Variants in RARRES1 observed in about 807,000 individuals in gnomAD.
RARRES1 encodes the protein retinoic acid receptor responder 1, also known as retinoic acid receptor responder protein 1.
A neutral mutation model predicts 30.6 loss-of-function variants in RARRES1; 34 were observed. The observed-to-expected ratio is 1.11, with a 90% CI of 0.84 to 1.48. The LOEUF is 1.48. Among genes scored for constraint, RARRES1 ranks in the 40% most tolerant of loss-of-function variants. The pLI is 0.00. For synonymous variants in RARRES1, 153 were observed against 155.5 expected (o/e 0.98, Z 0.12); for missense variants, 373 against 386.5 (o/e 0.97, Z 0.29).
chr3:158,717,298 ACT>A (rs973149740), intron 1 of RARRES1, among the ~76,000 whole-genome samples: 12 of 152,086 alleles, frequency 7.9e-5, no homozygotes, highest in African/African-American at 2.9e-4. Flanking sequence ...AGCAGCAGCC[ACT>A]CTCCGGGCAG....
At chr3:158,727,610 G>C (rs1339409882) in intron 1 of RARRES1, among the ~76,000 whole-genome samples, 1 of 152,196 alleles carries the variant, frequency 6.6e-6, no homozygotes, top group South Asian at 2.1e-4. Flanking sequence ...AGTCAGGAGC[G>C]GGGCAAACAT....
At chr3:158,729,691 A>T (rs576363514) in intron 1 of RARRES1, among the ~76,000 whole-genome samples, 1 of 152,014 alleles carries the variant, frequency 6.6e-6, no homozygotes, top group Non-Finnish European at 1.5e-5. Context: ...TGACCTTGTA[A>T]TCTGCCCACC....
chr3:158,732,204 T>C lies in RARRES1; in HGVS notation c.212A>G (p.Asn71Ser). 1 of 1,420,962 alleles carries C rather than the reference T, an allele frequency of 7.0e-7. No homozygotes were observed. The highest frequency in any genetic ancestry group is 9.1e-7 in the Non-Finnish European group (1 of 1,093,686). The allele number at this position is 1,420,962 out of a possible 1,614,324, so 88.0% of individuals were successfully genotyped here. A position where few individuals can be genotyped will look rare whatever the true frequency, so the allele number is the denominator to read the frequency against. ...QAARAALHFF[N>S]FRSGSPSALR... ...CGCGCTGGGCGAGCCGGACCGGAAG[T>C]TGAAGAAGTGAAGCGCCGCGCGCGC... Residue 71 changes from asparagine (N) to serine (S), a missense_variant, in exon 1 of 6, where the codon AAC (asparagine) becomes AGC (serine). Asn to Ser is a conservative substitution (Grantham distance 46). Transcript: ENST00000237696.
rs1334055239 is a variant in RARRES1, at chr3:158,732,128, C to A, written c.276+12G>T. ...GGCAGGCGCGTGCCCCGGCGCGTCG[C>A]TCCGCACTCACCCACGCGCGGCCCT... On this transcript the variant is annotated intron_variant, in intron 1 of 5. Coordinates refer to ENST00000237696, the MANE Select transcript of RARRES1 (RefSeq NM_206963.2). 2 of 1,344,912 alleles carry A rather than the reference C, an allele frequency of 1.5e-6. No individual in the cohort carries two copies. Among genetic ancestry groups the A allele is most frequent in the Non-Finnish European group, 1.9e-6 (2 of 1,055,936 alleles). The allele number at this position is 1,344,912 out of a possible 1,614,324, so 83.3% of individuals were successfully genotyped here.
In RARRES1 at chr3:158,704,941, A is replaced by T; in HGVS notation, c.536-14T>A. 4.4e-6 allele frequency: 7 copies of T among 1,601,132 alleles called. No homozygotes were observed. Among genetic ancestry groups the T allele is most frequent in the Non-Finnish European group, 5.9e-6 (7 of 1,176,654 alleles). On this transcript the variant is annotated splice_polypyrimidine_tract_variant and intron_variant, in intron 3 of 5. Coordinates refer to ENST00000237696, the MANE Select transcript of RARRES1 (RefSeq NM_206963.2). The stretch of plus-strand genomic sequence containing the variant: ...GTCCATGATTATCTGAGAGAGACAA[A>T]AAAAGCACATTTGTATTAATGCATT...
rs550724697 is a variant in RARRES1 at position 158,721,620 on chromosome 3, A to G, written c.277-7761T>C. Among the ~76,000 whole-genome samples the G allele has an allele frequency of 7.9e-5, 12 of 152,328 alleles. 1 individual carries two copies. The highest frequency in any genetic ancestry group is 2.9e-4 in the African/African-American group (12 of 41,584). On this transcript the variant is annotated intron_variant, in intron 1 of 5. Coordinates refer to ENST00000237696, the MANE Select transcript of RARRES1 (RefSeq NM_206963.2). ...TTCTCTTCAAATGCCTGAGAGTATC[A>G]TCAGGACCAAATGAAATGGAGGAGT...
chr3:158,698,438 G>A (rs1248792729), intron 4 of RARRES1, among the ~76,000 whole-genome samples: 1 of 152,184 alleles, frequency 6.6e-6, no homozygotes, highest in South Asian at 2.1e-4. Flanking sequence ...TGGTTTTACA[G>A]GAGAGGTAAT....
In RARRES1 at chr3:158,732,237, T is replaced by TC. The variant is rs1364583453; in HGVS notation, c.178_179insG (p.Gln60ArgfsTer35). On this transcript the variant is annotated frameshift_variant, in exon 1 of 6. Transcript: ENST00000237696. LOFTEE classifies it high-confidence loss of function. ...GTGAAGCGCCGCGCGCGCCGCCTGCTGCAGGAGCCTGCGCGGGACCCCAGC... is the reference window on the plus strand; with the variant it reads ...GTGAAGCGCCGCGCGCGCCGCCTGCTCGCAGGAGCCTGCGCGGGACCCCAGC... The TC allele has an allele frequency of 1.4e-6, 2 of 1,390,466 alleles. No individual in the cohort carries two copies. The highest frequency in any genetic ancestry group is 3.3e-5 in the South Asian group (2 of 60,918). 86.1% of individuals were successfully genotyped at this position (1,390,466 alleles called of 1,614,324 possible).
At chr3:158,700,291 T>C (rs886390275) in intron 4 of RARRES1, among the ~76,000 whole-genome samples, 1 of 152,024 alleles carries the variant, frequency 6.6e-6, no homozygotes, top group Non-Finnish European at 1.5e-5. Flanking sequence ...AATGCCTTAT[T>C]CTGCGTTTGA....
intron 3 of RARRES1, among the ~76,000 whole-genome samples, chr3:158,710,217 T>C (rs1727068995): frequency 1.3e-5 from 2 of 151,806 alleles, no homozygotes. Flanking sequence ...TTTTTTTTTT[T>C]TTTTTTGGAG....
At chr3:158,717,958 A>G (rs754115285) in intron 1 of RARRES1, among the ~76,000 whole-genome samples, 50 of 151,226 alleles carry the variant, frequency 3.3e-4, no homozygotes, top group South Asian at 6.3e-4. Context: ...AATCATCACT[A>G]GAATACATTT....
At chr3:158,728,204 T>A (rs1417494605) in intron 1 of RARRES1, among the ~76,000 whole-genome samples, 1 of 142,796 alleles carries the variant, frequency 7.0e-6, no homozygotes, top group East Asian at 2.0e-4. Flanking sequence ...TCTATACTAT[T>A]TCGTTTAAAA....
rs531711559 is a variant in RARRES1 at position 158,732,427 on chromosome 3, A to G, written c.-12T>C. 3,607 of 1,516,856 alleles carry G rather than the reference A, an allele frequency of 2.4e-3. 75 individuals are homozygous for G. In the African/African-American group the frequency reaches 0.045, roughly 19 times the overall value. The allele number at this position is 1,516,856 out of a possible 1,614,324, so 94.0% of individuals were successfully genotyped here. A position where few individuals can be genotyped will look rare whatever the true frequency, so the allele number is the denominator to read the frequency against. ...CGGCGGGGCTGCATGGACGCAGGAA[A>G]GTTGGCTCGGCACCCGACAGACACG... On this transcript the variant is annotated 5_prime_UTR_variant, in exon 1 of 6. Coordinates refer to ENST00000237696, the MANE Select transcript of RARRES1 (RefSeq NM_206963.2).
In RARRES1 at chr3:158,723,659, C is replaced by G. The variant is rs140674306; in HGVS notation, c.276+8481G>C. ...TGTGTGTCCTCTCTCTCAGCCAACC[C>G]TGGGTCCCACGTTCTTGATTTGGGG... On this transcript the variant is annotated intron_variant, in intron 1 of 5. Transcript: ENST00000237696. This position sits in a 1 kb window ranked among gnomAD's most constrained non-coding sequence, Gnocchi z 4.4. Among the ~76,000 whole-genome samples the G allele has an allele frequency of 7.2e-3, 1,099 of 152,328 alleles. 74 individuals carry two copies. The highest frequency in any genetic ancestry group is 0.07 in the Admixed American group (1,067 of 15,302).
chr3:158,697,899 A>G lies in RARRES1; in HGVS notation c.735+9T>C, dbSNP rs368681159. 1.4e-4 allele frequency: 211 copies of G among 1,557,794 alleles called. No individual in the cohort carries two copies. The highest frequency in any genetic ancestry group is 1.0e-3 in the Middle Eastern group (6 of 5,836). On this transcript the variant is annotated intron_variant, in intron 5 of 5. Coordinates refer to ENST00000237696, the MANE Select transcript of RARRES1 (RefSeq NM_206963.2). ...TAAAAACAATTCTACATACAATGTT[A>G]TGTTTTACCTGTGTTGATAATTCAT...
At chr3:158,703,144 G>A (rs936459570) in intron 4 of RARRES1, among the ~76,000 whole-genome samples, 12 of 152,086 alleles carry the variant, frequency 7.9e-5, no homozygotes, top group African/African-American at 4.8e-5. Context: ...ACTTTGCCTC[G>A]TTTTTCACTG....
intron 4 of RARRES1, among the ~76,000 whole-genome samples, chr3:158,701,909 T>C (rs1212950752): frequency 6.6e-6 from 1 of 152,204 alleles, no homozygotes; most frequent in Non-Finnish European, 1.5e-5. Context: ...ATGAAATGAT[T>C]TGCCTTGGAT....
intron 3 of RARRES1, among the ~76,000 whole-genome samples, chr3:158,705,163 T>C (rs1726876208): frequency 6.6e-6 from 1 of 152,222 alleles, no homozygotes; most frequent in Admixed American, 6.5e-5. Context: ...TTTGCTGTAC[T>C]GTATACACGC....
intron 4 of RARRES1, among the ~76,000 whole-genome samples, chr3:158,701,199 G>A (rs1295430914): frequency 2.0e-5 from 3 of 152,116 alleles, no homozygotes; most frequent in Non-Finnish European, 4.4e-5. Flanking sequence ...CATATTAAAG[G>A]CTAAAGGTAC....
Sources: gnomAD v4.1 joint callset for allele counts (sites outside exome capture counted in the v4.1 genomes callset) on GRCh38, gnomAD v4.1.1 for gene constraint, Gnocchi (gnomAD v3.1) non-coding constraint, MANE v1.5 for transcripts, NCBI Gene and HGNC (gene_info 2026-07-23, HGNC 2026-07-21) for gene names.